KIF6: variants seen among roughly 807,000 people sequenced by gnomAD.
KIF6 encodes kinesin-like protein KIF6.
In KIF6, 106 loss-of-function variants were observed where a neutral mutation model predicts 112.7. The observed-to-expected ratio is 0.94, with a 90% CI of 0.80 to 1.11. The LOEUF (loss-of-function observed/expected upper bound fraction) is 1.11. Among genes scored for constraint, KIF6 ranks in the 50% least tolerant of loss-of-function variants. KIF6 has a pLI of 0.00. For synonymous variants in KIF6, 339 were observed against 339.9 expected (o/e 1.00, Z 0.03); for missense variants, 929 against 964.0 (o/e 0.96, Z 0.48).
chr6:39,581,188 A>T (rs1285827213), intron 9 of KIF6, among the ~76,000 whole-genome samples: 2 of 106,094 alleles, frequency 1.9e-5, no homozygotes, highest in Admixed American at 1.1e-4. Context: ...TTTTTTTGAC[A>T]CAGAGTTTTG....
At chr6:39,652,346 C>G (rs1376053154) in intron 3 of KIF6, among the ~76,000 whole-genome samples, 1 of 151,952 alleles carries the variant, frequency 6.6e-6, no homozygotes, top group Non-Finnish European at 1.5e-5. Flanking sequence ...CTGACCAACA[C>G]GGTGAAACCC....
At position 39,714,765 on chromosome 6, in the gene KIF6, A is replaced by T. The variant is rs757479583; in HGVS notation, c.178T>A (p.Phe60Ile). 6.2e-7 allele frequency: 1 copy of T among 1,601,846 alleles called. No individual in the cohort carries two copies. The highest frequency in any genetic ancestry group is 1.1e-5 in the South Asian group (1 of 90,728). ...NNKRESYKFKFQRIFDQDANQ... is the reference protein window; with the variant it reads ...NNKRESYKFKIQRIFDQDANQ... ...GCATCCTGATCAAAAATTCTTTGAA[A>T]TCTGCAATGTGAAAAATAGTAATTA... is the stretch of plus-strand genomic sequence containing the variant. Residue 60 changes from phenylalanine to isoleucine, a missense_variant and splice_region_variant, in exon 3 of 23, where the codon TTT (phenylalanine) becomes ATT (isoleucine). By Grantham distance (21) the Phe-to-Ile change is conservative. Transcript: ENST00000287152.
intron 3 of KIF6, among the ~76,000 whole-genome samples, chr6:39,666,608 G>A (rs1319353514): frequency 6.6e-6 from 1 of 152,142 alleles, no homozygotes; most frequent in Non-Finnish European, 1.5e-5. Flanking sequence ...TGTAACACTG[G>A]AGAAAGCTCA....
chr6:39,608,349 C>T (rs367975409), intron 6 of KIF6, among the ~76,000 whole-genome samples: 18 of 152,176 alleles, frequency 1.2e-4, no homozygotes, highest in East Asian at 3.8e-4. Context: ...CTACCTTCAA[C>T]GTGCGCAGAA....
At chr6:39,370,737 G>A (rs1479689975) in intron 16 of KIF6, among the ~76,000 whole-genome samples, 1 of 152,066 alleles carries the variant, frequency 6.6e-6, no homozygotes, top group African/African-American at 2.4e-5. Context: ...GTGTGGAGAT[G>A]CTTCTTCCTC....
intron 22 of KIF6, among the ~76,000 whole-genome samples, chr6:39,337,172 C>CTTTCTTTCTTTCTTTCTTTCTTTCTTTCT (rs1554195075): frequency 1.7e-5 from 1 of 59,518 alleles, no homozygotes; most frequent in African/African-American, 9.1e-5. Flanking sequence ...TCTTTCCTTC[C>CTTTCTTTCTTTCTTTCTTTCTTTCTTTCT]TTCTTTCTTT....
intron 13 of KIF6, among the ~76,000 whole-genome samples, chr6:39,528,362 T>C (rs1320016494): frequency 1.3e-5 from 2 of 152,246 alleles, no homozygotes; most frequent in Non-Finnish European, 2.9e-5. Flanking sequence ...CATTCATCTG[T>C]TGATGGACAT....
chr6:39,373,412 T>A (rs1766183904), intron 16 of KIF6, among the ~76,000 whole-genome samples: 2 of 152,192 alleles, frequency 1.3e-5, no homozygotes, highest in African/African-American at 2.4e-5. Context: ...GTCAGCTCTG[T>A]GGCAAGGAGT....
intron 6 of KIF6, among the ~76,000 whole-genome samples, chr6:39,603,472 A>G (rs779771968): frequency 1.3e-5 from 2 of 152,032 alleles, no homozygotes; most frequent in African/African-American, 4.8e-5. Context: ...ATCCTTTTCT[A>G]TACAGCAGGA....
At chr6:39,646,773 A>G (rs141310378) in intron 3 of KIF6, among the ~76,000 whole-genome samples, 1 of 152,324 alleles carries the variant, frequency 6.6e-6, no homozygotes, top group East Asian at 1.9e-4. Flanking sequence ...CAACACAACT[A>G]ATTTGGAACA....
chr6:39,443,114 AAATAATAATAAT>A (rs370011414), intron 13 of KIF6, among the ~76,000 whole-genome samples: 2,472 of 131,550 alleles, frequency 0.019, 41 homozygotes, highest in East Asian at 0.08. Flanking sequence ...ACTGCATCTC[AAATAATAATAAT>A]AATAATAATA....
intron 3 of KIF6, among the ~76,000 whole-genome samples, chr6:39,683,456 C>T (rs1226881547): frequency 2.0e-5 from 3 of 152,120 alleles, no homozygotes; most frequent in Non-Finnish European, 4.4e-5. Context: ...TAAAGAGGAT[C>T]AAGAGTTCCT....
chr6:39,520,022 GAACA>G (rs925405884), intron 13 of KIF6, among the ~76,000 whole-genome samples: 2 of 151,868 alleles, frequency 1.3e-5, no homozygotes, highest in Admixed American at 6.6e-5. Flanking sequence ...ACTCCATCTC[GAACA>G]AACAAATAAA....
chr6:39,515,675 T>C (rs1480239583), intron 13 of KIF6, among the ~76,000 whole-genome samples: 1 of 152,212 alleles, frequency 6.6e-6, no homozygotes, highest in African/African-American at 2.4e-5. Context: ...ACATAGGAGA[T>C]GTGGTTTCTC....
intron 5 of KIF6, among the ~76,000 whole-genome samples, chr6:39,622,821 G>A (rs1055975844): frequency 6.6e-6 from 1 of 152,156 alleles, no homozygotes; most frequent in African/African-American, 2.4e-5. Flanking sequence ...AGGTGAGGCA[G>A]CCATTTTGCA....
intron 3 of KIF6, 102 bp from the exon 4 acceptor site, chr6:39,639,859 A>T: frequency 9.9e-7 from 1 of 1,010,512 alleles, no homozygotes; most frequent in Non-Finnish European, 1.4e-6. Context: ...ACTATTAAAA[A>T]AACTTTATAG....
At position 39,457,554 on chromosome 6, in the gene KIF6, A is replaced by G. The variant is rs1773208487; in HGVS notation, c.1646-26393T>C. ...ACTGAAGGAAACAGAGACACAAAAA[A>G]CCCTTCAAAAAATCAATGAATCCAG... On this transcript the variant is annotated intron_variant, in intron 13 of 22. Transcript: ENST00000287152. Among the ~76,000 whole-genome samples, 6 of 151,732 alleles carry G rather than the reference A, an allele frequency of 4.0e-5. No individual in the cohort carries two copies. In the South Asian group the frequency reaches 6.3e-4, roughly 16 times the overall value.
chr6:39,525,519 C>G (rs1475563628), intron 13 of KIF6, among the ~76,000 whole-genome samples: 1 of 152,156 alleles, frequency 6.6e-6, no homozygotes, highest in Non-Finnish European at 1.5e-5. Flanking sequence ...CTTTGGGAGG[C>G]TGAGGCAGAT....
At chr6:39,670,808 C>T (rs302573) in intron 3 of KIF6, among the ~76,000 whole-genome samples, 130,545 of 152,074 alleles carry the variant, frequency 0.86, 56,471 homozygotes, top group East Asian at 0.97. Context: ...TACCTTCTGC[C>T]TCTGGCTGTT....
Sources: gnomAD v4.1 joint callset for allele counts (sites outside exome capture counted in the v4.1 genomes callset) on GRCh38, gnomAD v4.1.1 for gene constraint, MANE v1.5 for transcripts, NCBI Gene and HGNC (gene_info 2026-07-23, HGNC 2026-07-21) for gene names.